Variants in GPR158 observed in about 807,000 individuals in gnomAD.
The protein encoded by GPR158 is metabotropic glycine receptor.
GPR158 carries 30 observed loss-of-function variants against 78.2 expected under a neutral mutation model. The ratio of observed to expected loss-of-function variants is 0.38; its 90% CI spans 0.29 to 0.52. The LOEUF (loss-of-function observed/expected upper bound fraction) is 0.52, where lower values mean the gene tolerates loss of function less well. Ranked by LOEUF, GPR158 falls within the 20% of genes least tolerant of loss-of-function variation. The pLI, the probability that GPR158 is intolerant of heterozygous loss-of-function variation, is 0.83. For missense variants in GPR158, 1,463 were observed against 1,523.5 expected, an observed-to-expected ratio of 0.96 and a Z score of 0.66; for synonymous variants, 581 against 591.1, an observed-to-expected ratio of 0.98 and a Z score of 0.25.
intron 5 of GPR158, among the ~76,000 whole-genome samples, chr10:25,517,060 G>A (rs1365668709): frequency 4.7e-5 from 7 of 150,150 alleles, no homozygotes; most frequent in Non-Finnish European, 2.9e-5. Flanking sequence ...GCAGTGGCTT[G>A]TAGTTCTCCT....
intron 9 of GPR158, among the ~76,000 whole-genome samples, chr10:25,595,855 A>T (rs953553735): frequency 1.3e-5 from 2 of 152,240 alleles, no homozygotes; most frequent in Non-Finnish European, 2.9e-5. Flanking sequence ...GAACTGACAT[A>T]TACACTTTAA....
At chr10:25,291,221 G>A (rs1479750328) in intron 2 of GPR158, among the ~76,000 whole-genome samples, 1 of 151,774 alleles carries the variant, frequency 6.6e-6, no homozygotes, top group Non-Finnish European at 1.5e-5. Context: ...GAATTCAGGA[G>A]AAAGAAAGGG....
intron 2 of GPR158, among the ~76,000 whole-genome samples, chr10:25,380,405 C>T (rs1391110985): frequency 6.6e-6 from 1 of 152,178 alleles, no homozygotes; most frequent in Non-Finnish European, 1.5e-5. Context: ...TGTACTCTCA[C>T]ACAATTTGCA....
chr10:25,387,378 T>C (rs1446803904), intron 2 of GPR158, among the ~76,000 whole-genome samples: 1 of 152,238 alleles, frequency 6.6e-6, no homozygotes, highest in East Asian at 1.9e-4. Context: ...CTGGTGAATT[T>C]GGTTTGAGAT....
chr10:25,203,736 A>T (rs1431502540), intron 1 of GPR158, among the ~76,000 whole-genome samples: 1 of 144,306 alleles, frequency 6.9e-6, no homozygotes, highest in African/African-American at 2.6e-5. Context: ...TTGGTAATGC[A>T]GGCTCTTTTT....
chr10:25,467,409 A>C lies in GPR158; in HGVS notation c.1404+690A>C, dbSNP rs537611002. Reference sequence around the variant, plus strand: ...TGGAAGAAAAACATCTAGCTATGTTAATAGAGACTCTTACAGATGAAAATT... The same window carrying C: ...TGGAAGAAAAACATCTAGCTATGTTCATAGAGACTCTTACAGATGAAAATT... On this transcript the variant is annotated intron_variant, in intron 5 of 10. Coordinates refer to ENST00000376351, the MANE Select transcript of GPR158 (RefSeq NM_020752.3). Among the ~76,000 whole-genome samples the C allele has an allele frequency of 5.3e-5, 8 of 152,274 alleles. No homozygotes were observed. The South Asian group carries it at 1.7e-3, about 32-fold the overall frequency.
intron 7 of GPR158, among the ~76,000 whole-genome samples, chr10:25,576,637 G>A (rs1435027060): frequency 2.0e-5 from 3 of 152,106 alleles, no homozygotes; most frequent in Admixed American, 6.6e-5. Flanking sequence ...CAGGGCATGC[G>A]GTTCCTTAGG....
At chr10:25,392,716 A>G (rs764471699) in intron 2 of GPR158, among the ~76,000 whole-genome samples, 3 of 152,112 alleles carry the variant, frequency 2.0e-5, no homozygotes, top group African/African-American at 7.2e-5. Context: ...TTAAAAATGT[A>G]TAATTTTGTT....
In GPR158 at chr10:25,598,345, G is replaced by A; in HGVS notation, c.2719G>A (p.Ala907Thr). The A allele has an allele frequency of 6.2e-7, 1 of 1,614,094 alleles. No individual in the cohort carries two copies. The highest frequency in any genetic ancestry group is 8.5e-7 in the Non-Finnish European group (1 of 1,180,006). ...SMLQKSLSVI[A>T]SAKEKTLGLA... ...GTTACAGAAGTCTCTCAGTGTCATA[G>A]CAAGCGCCAAGGAGAAGACTCTTGG... Residue 907 changes from alanine (A) to threonine (T), a missense_variant, in exon 11 of 11, where the codon GCA (alanine) becomes ACA (threonine). By Grantham distance (58) the Ala-to-Thr change is moderately conservative. Transcript: ENST00000376351.
intron 1 of GPR158, among the ~76,000 whole-genome samples, chr10:25,214,095 C>T (rs776586790): frequency 3.3e-5 from 5 of 151,916 alleles, no homozygotes; most frequent in East Asian, 3.9e-4. Flanking sequence ...CCTGGGTTCA[C>T]GCCATTCTCC....
chr10:25,565,624 G>T (rs1351515154), intron 6 of GPR158, among the ~76,000 whole-genome samples: 1 of 152,166 alleles, frequency 6.6e-6, no homozygotes, highest in Non-Finnish European at 1.5e-5. Flanking sequence ...TAGGAGTTTT[G>T]AGATGATTTT....
At chr10:25,353,439 C>T (rs1855501988) in intron 2 of GPR158, among the ~76,000 whole-genome samples, 1 of 151,652 alleles carries the variant, frequency 6.6e-6, no homozygotes, top group South Asian at 2.1e-4. Flanking sequence ...AACTAACCTG[C>T]ACATTGTGCA....
chr10:25,321,608 A>G lies in GPR158; in HGVS notation c.1009-74303A>G, dbSNP rs140514524. Among the ~76,000 whole-genome samples, 116 of 152,142 alleles carry G rather than the reference A, an allele frequency of 7.6e-4. 2 individuals are homozygous for G. Among genetic ancestry groups the G allele is most frequent in the Admixed American group, 2.2e-3 (34 of 15,280 alleles). On this transcript the variant is annotated intron_variant, in intron 2 of 10. Transcript: ENST00000376351. The stretch of plus-strand genomic sequence containing the variant: ...CATCCTGGACCTGTCACAAAGAACT[A>G]TTTTAATAAAGAATGCTTATATAAC...
chr10:25,241,861 T>A (rs1853633220), intron 2 of GPR158, among the ~76,000 whole-genome samples: 1 of 152,230 alleles, frequency 6.6e-6, no homozygotes, highest in Non-Finnish European at 1.5e-5. Flanking sequence ...CTAGGATAGT[T>A]GCTGGACACT....
intron 4 of GPR158, among the ~76,000 whole-genome samples, chr10:25,448,550 G>C (rs77994150): frequency 0.023 from 3,526 of 152,114 alleles, 57 homozygotes; most frequent in Non-Finnish European, 0.036. Context: ...TCCATTTTTG[G>C]CTATTAAAAA....
At chr10:25,313,633 T>C (rs1356335109) in intron 2 of GPR158, among the ~76,000 whole-genome samples, 1 of 152,198 alleles carries the variant, frequency 6.6e-6, no homozygotes, top group Admixed American at 6.5e-5. Context: ...TGCTATATTT[T>C]ATTATACTAA....
intron 2 of GPR158, among the ~76,000 whole-genome samples, chr10:25,296,502 T>C (rs531753208): frequency 7.2e-5 from 10 of 139,024 alleles, no homozygotes; most frequent in Admixed American, 2.1e-4. Context: ...ATCTATCTAT[T>C]GATTGATTGA....
chr10:25,363,472 G>A (rs1203843851), intron 2 of GPR158, among the ~76,000 whole-genome samples: 1 of 151,896 alleles, frequency 6.6e-6, no homozygotes, highest in Non-Finnish European at 1.5e-5. Context: ...GTGCACAGAG[G>A]CCAATACCAT....
At chr10:25,331,117 T>A (rs1274257101) in intron 2 of GPR158, among the ~76,000 whole-genome samples, 4 of 151,972 alleles carry the variant, frequency 2.6e-5, no homozygotes, top group Non-Finnish European at 5.9e-5. Context: ...ATATATATAT[T>A]TTTGTAGAGA....
Sources: allele counts gnomAD v4.1 joint callset (sites outside exome capture counted in the v4.1 genomes callset), GRCh38; gene constraint gnomAD v4.1.1; transcripts MANE v1.5; gene names NCBI Gene and HGNC (gene_info 2026-07-23, HGNC 2026-07-21).